The following RBFOX1 variants were observed in gnomAD, a reference collection of about 807,000 sequenced individuals.
RBFOX1 encodes the protein RNA binding fox-1 homolog 1.
Under a neutral mutation model 57.7 loss-of-function variants are expected in RBFOX1, and 8 were observed. That is an observed-to-expected ratio of 0.14 (90% CI 0.08 to 0.25). The LOEUF is 0.25. Ranked by LOEUF, RBFOX1 falls within the 10% of genes least tolerant of loss-of-function variation. The probability of loss-of-function intolerance (pLI) is 1.00; values close to 1 mark genes in which losing one functional copy is unlikely to be tolerated. For missense variants in RBFOX1, 611 were observed against 548.5 expected (o/e 1.11, Z -1.14); for synonymous variants, 326 against 222.4 (o/e 1.47, Z -4.15).
chr16:5,263,328 A>C (rs2062781350), intron 1 of RBFOX1, among the ~76,000 whole-genome samples: 1 of 152,184 alleles, frequency 6.6e-6, no homozygotes, highest in South Asian at 2.1e-4. Flanking sequence ...ATCTGCAATT[A>C]CTTTTGCACC....
intron 5 of RBFOX1, among the ~76,000 whole-genome samples, chr16:7,563,883 C>G (rs2091051826): frequency 6.6e-6 from 1 of 152,104 alleles, no homozygotes; most frequent in South Asian, 2.1e-4. Context: ...TAAGCAGACA[C>G]CAACCTCCAA....
intron 3 of RBFOX1, among the ~76,000 whole-genome samples, chr16:5,778,424 G>A (rs536180941): frequency 6.6e-6 from 1 of 152,222 alleles, no homozygotes; most frequent in South Asian, 2.1e-4. Context: ...ACAATCTGAT[G>A]GGCTTCAGCT....
At chr16:6,992,006 G>C (rs1339875972) in intron 3 of RBFOX1, among the ~76,000 whole-genome samples, 1 of 152,094 alleles carries the variant, frequency 6.6e-6, no homozygotes, top group African/African-American at 2.4e-5. Flanking sequence ...CTGGTGCTAT[G>C]AAAACTACAC....
Position 5,946,888 on chromosome 16 carries a change from T to C in RBFOX1, c.351+79553T>C, listed in dbSNP as rs991798600. Among the ~76,000 whole-genome samples the C allele has an allele frequency of 6.6e-6, 1 of 152,094 alleles. No homozygotes were observed. Among genetic ancestry groups the C allele is most frequent in the Non-Finnish European group, 1.5e-5 (1 of 68,026 alleles). On this transcript the variant is annotated intron_variant, in intron 4 of 19. Coordinates refer to the RBFOX1 transcript ENST00000641259. This position sits in a 1 kb window ranked among gnomAD's most constrained non-coding sequence, Gnocchi z 4.6. ...CCCAACACATATGAGTGTAGAGGTA[T>C]GCTGCTTGAGTGGAGAAACAGAGTT...
chr16:7,709,591 C>T (rs776880018), intron 15 of RBFOX1: 6 of 1,531,076 alleles, frequency 3.9e-6, no homozygotes, highest in African/African-American at 2.7e-5. Context: ...TGCCTCTCCT[C>T]CCCTATTACA....
At chr16:5,539,218 G>C (rs2044830298) in intron 2 of RBFOX1, among the ~76,000 whole-genome samples, 1 of 152,164 alleles carries the variant, frequency 6.6e-6, no homozygotes, top group South Asian at 2.1e-4. Context: ...GAGCTACAAA[G>C]TGCATGTGAG....
At chr16:6,717,583 C>CTTT (rs57111084) in intron 3 of RBFOX1, among the ~76,000 whole-genome samples, 22 of 143,136 alleles carry the variant, frequency 1.5e-4, no homozygotes, top group East Asian at 1.2e-3. Context: ...ATGCTGAAGT[C>CTTT]TTTTTTTTTT....
chr16:6,931,481 A>G (rs1274906028), intron 3 of RBFOX1, among the ~76,000 whole-genome samples: 1 of 152,172 alleles, frequency 6.6e-6, no homozygotes, highest in African/African-American at 2.4e-5. Context: ...TCCCAGAAGT[A>G]GAACCTACTA....
chr16:5,364,535 T>A (rs2065650910), intron 1 of RBFOX1, among the ~76,000 whole-genome samples: 2 of 152,248 alleles, frequency 1.3e-5, no homozygotes, highest in African/African-American at 4.8e-5. Flanking sequence ...CGTCCTTCTA[T>A]GTTTGTAGAA....
At chr16:5,362,834 T>C (rs575726548) in intron 1 of RBFOX1, among the ~76,000 whole-genome samples, 18 of 152,206 alleles carry the variant, frequency 1.2e-4, no homozygotes, top group Non-Finnish European at 2.1e-4. Flanking sequence ...CTTAGCATAA[T>C]GTCTCCCCAT....
chr16:5,966,496 C>A (rs2059846053), intron 4 of RBFOX1, among the ~76,000 whole-genome samples: 1 of 152,110 alleles, frequency 6.6e-6, no homozygotes, highest in South Asian at 2.1e-4. Flanking sequence ...CTTACTCAGT[C>A]CCCCAGGCTG....
At chr16:7,667,713 C>T (rs951073994) in intron 13 of RBFOX1, among the ~76,000 whole-genome samples, 6 of 152,150 alleles carry the variant, frequency 3.9e-5, no homozygotes, top group Non-Finnish European at 8.8e-5. Flanking sequence ...GACAGACTCA[C>T]TGTGTCGCCC....
chr16:5,895,591 G>T (rs2058144644), intron 4 of RBFOX1, among the ~76,000 whole-genome samples: 1 of 152,202 alleles, frequency 6.6e-6, no homozygotes, highest in African/African-American at 2.4e-5. Flanking sequence ...CAGGGCATAG[G>T]AAGGAGGTAT....
intron 2 of RBFOX1, among the ~76,000 whole-genome samples, chr16:6,362,142 T>C (rs929350716): frequency 1.3e-5 from 2 of 152,256 alleles, no homozygotes; most frequent in Admixed American, 1.3e-4. Flanking sequence ...ATGAGATTGT[T>C]AATTTGGACC....
chr16:6,714,741 C>G (rs187150469), intron 3 of RBFOX1, among the ~76,000 whole-genome samples: 1 of 152,274 alleles, frequency 6.6e-6, no homozygotes, highest in Admixed American at 6.5e-5. Context: ...TGCATCTACA[C>G]AGCTGGGACA....
chr16:7,487,294 C>T (rs1487989627), intron 4 of RBFOX1, among the ~76,000 whole-genome samples: 2 of 152,174 alleles, frequency 1.3e-5, no homozygotes, highest in African/African-American at 4.8e-5. Context: ...TACTTTATCT[C>T]AAATAGCGGC....
intron 1 of RBFOX1, among the ~76,000 whole-genome samples, chr16:6,031,855 A>T (rs755244512): frequency 6.6e-6 from 1 of 152,156 alleles, no homozygotes; most frequent in Non-Finnish European, 1.5e-5. Flanking sequence ...TGTATGGTAC[A>T]TTCAGTGAGT....
chr16:7,135,078 A>G (rs2071550107), intron 4 of RBFOX1, among the ~76,000 whole-genome samples: 1 of 152,204 alleles, frequency 6.6e-6, no homozygotes, highest in South Asian at 2.1e-4. Context: ...AAAACTTCAC[A>G]TTTGGTAAAA....
At chr16:5,610,264 G>C (rs2047728277) in intron 3 of RBFOX1, 1 of 152,258 alleles carries the variant, frequency 6.6e-6, no homozygotes, top group Non-Finnish European at 1.5e-5. Flanking sequence ...GCTACTTGTT[G>C]AAAGACTAGT....
Sources: gnomAD v4.1 joint callset for allele counts (sites outside exome capture counted in the v4.1 genomes callset) on GRCh38, gnomAD v4.1.1 for gene constraint, Gnocchi (gnomAD v3.1) non-coding constraint, MANE v1.5 for transcripts, NCBI Gene and HGNC (gene_info 2026-07-23, HGNC 2026-07-21) for gene names.